HPR: variants seen among roughly 807,000 people sequenced by gnomAD.
HPR encodes the protein Haptoglobin-related locus.
A neutral mutation model predicts 18.5 loss-of-function variants in HPR; 17 were observed. The observed-to-expected ratio is 0.92, with a 90% CI of 0.63 to 1.38. The LOEUF (loss-of-function observed/expected upper bound fraction) is 1.38, where lower values mean the gene tolerates loss of function less well. Among genes scored for constraint, HPR ranks in the 40% most tolerant of loss-of-function variants. The pLI, the probability that HPR is intolerant of heterozygous loss-of-function variation, is 0.00. For synonymous variants in HPR, 176 were observed against 165.0 expected (o/e 1.07, Z -0.51); for missense variants, 457 against 432.4 (o/e 1.06, Z -0.51).
chr16:72,067,969 G>A (rs1177400650), intron 1 of HPR, among the ~76,000 whole-genome samples: 1 of 152,140 alleles, frequency 6.6e-6, no homozygotes. Context: ...GAAGAGAGCC[G>A]AGACACATTT....
chr16:72,069,213 A>T (rs2041629890), intron 1 of HPR, among the ~76,000 whole-genome samples: 1 of 152,138 alleles, frequency 6.6e-6, no homozygotes, highest in Non-Finnish European at 1.5e-5. Context: ...ATTTGGAAAA[A>T]GTTGGACTGA....
At chr16:72,069,971 C>A (rs2041637829) in intron 1 of HPR, among the ~76,000 whole-genome samples, 1 of 152,158 alleles carries the variant, frequency 6.6e-6, no homozygotes, top group South Asian at 2.1e-4. Context: ...CTGATTCAGA[C>A]AATGGAACCC....
At chr16:72,069,742 C>G (rs1030013129) in intron 1 of HPR, among the ~76,000 whole-genome samples, 3 of 152,144 alleles carry the variant, frequency 2.0e-5, no homozygotes, top group Non-Finnish European at 2.9e-5. Context: ...TCTAAGAAAA[C>G]CGCCCCTTGG....
At chr16:72,071,094 C>CTGG (rs1449550471) in intron 1 of HPR, among the ~76,000 whole-genome samples, 1 of 152,110 alleles carries the variant, frequency 6.6e-6, no homozygotes, top group Non-Finnish European at 1.5e-5. Flanking sequence ...TCTTCAACCA[C>CTGG]TGGTTAACAA....
chr16:72,074,864 A>G, intron 3 of HPR: 1 of 654,624 alleles, frequency 1.5e-6, no homozygotes, highest in Non-Finnish European at 2.8e-6. Flanking sequence ...GTGGCCTGTA[A>G]GAGGCAGAGT....
At chr16:72,075,111 T>C (rs1177396158) in intron 3 of HPR, 34 bp from the exon 4 acceptor site, 1 of 786,302 alleles carries the variant, frequency 1.3e-6, no homozygotes, top group Non-Finnish European at 2.2e-6. Flanking sequence ...AGACTTGACT[T>C]TTCCTTTGGC....
intron 1 of HPR, among the ~76,000 whole-genome samples, chr16:72,071,559 A>G (rs1315827815): frequency 2.6e-5 from 4 of 152,096 alleles, no homozygotes; most frequent in African/African-American, 9.7e-5. Flanking sequence ...CCCAATGCCA[A>G]TTTTACTTTG....
At chr16:72,073,837 T>C in intron 1 of HPR, 55 bp from the exon 2 acceptor site, 3 of 1,612,334 alleles carry the variant, frequency 1.9e-6, no homozygotes, top group Middle Eastern at 1.7e-4. Flanking sequence ...GATGCATGCA[T>C]GTGCTGTGAA....
chr16:72,070,972 T>C (rs2041648925), intron 1 of HPR, among the ~76,000 whole-genome samples: 1 of 152,232 alleles, frequency 6.6e-6, no homozygotes, highest in Non-Finnish European at 1.5e-5. Context: ...GCCACTGCAG[T>C]GTAACCCCTC....
intron 1 of HPR, among the ~76,000 whole-genome samples, chr16:72,065,321 C>T (rs551866392): frequency 2.6e-4 from 39 of 152,046 alleles, no homozygotes; most frequent in African/African-American, 7.2e-4. Context: ...AGGGATTGAG[C>T]CACAGAAAGC....
Position 72,076,757 on chromosome 16 carries a change from C to T in HPR, c.723C>T (p.Val241=), listed in dbSNP as rs781104362. ...NFKLTDHLKY[V]MLPVADQYDC... is the part of the protein sequence containing the mutation. ...AACTTACTGACCATCTGAAGTATGT[C>T]ATGCTGCCTGTGGCTGACCAATACG... The change falls in exon 5 of 5, where the codon GTC becomes GTT. Residue 241 remains valine, a synonymous_variant. Transcript: ENST00000540303. The T allele has an allele frequency of 6.2e-7, 1 of 1,614,222 alleles. No homozygotes were observed. The highest frequency in any genetic ancestry group is 8.5e-7 in the Non-Finnish European group (1 of 1,180,044).
chr16:72,063,331 C>G (rs12917768), intron 1 of HPR, 71 bp downstream of exon 1: 111,194 of 1,108,646 alleles, frequency 0.1, 30,948 homozygotes, highest in South Asian at 0.21. Context: ...TACATTGGTA[C>G]AGATGCAGAA....
Position 72,075,006 on chromosome 16 carries a change from G to A in HPR, c.194-139G>A, listed in dbSNP as rs373645002. On this transcript the variant is annotated intron_variant, in intron 3 of 4. Transcript: ENST00000540303. ...AGCACTCTTTCCCTTCCTCCTTCTC[G>A]TATTCTCTCTCCTTTCTCCCTTCCT... 685 of 1,333,840 alleles carry A rather than the reference G, an allele frequency of 5.1e-4. 5 individuals carry two copies. The highest frequency in any genetic ancestry group is 2.2e-3 in the East Asian group (87 of 39,812). 82.6% of individuals were successfully genotyped at this position (1,333,840 alleles called of 1,614,324 possible).
chr16:72,074,036 C>G, intron 2 of HPR, 59 bp downstream of exon 2: 1 of 1,603,362 alleles, frequency 6.2e-7, no homozygotes, highest in Non-Finnish European at 8.5e-7. Flanking sequence ...CCCACTCTGA[C>G]TCTCTCGGGT....
intron 1 of HPR, among the ~76,000 whole-genome samples, chr16:72,071,825 A>G (rs896632832): frequency 1.3e-5 from 2 of 152,194 alleles, no homozygotes; most frequent in African/African-American, 4.8e-5. Flanking sequence ...ACTGTAAAAC[A>G]AGAGAGGCCC....
At chr16:72,070,524 C>T (rs1450155351) in intron 1 of HPR, among the ~76,000 whole-genome samples, 1 of 152,138 alleles carries the variant, frequency 6.6e-6, no homozygotes, top group East Asian at 1.9e-4. Context: ...TGATCACACC[C>T]GCGTCAAAAA....
At chr16:72,064,421 C>A (rs2041575862) in intron 1 of HPR, among the ~76,000 whole-genome samples, 1 of 152,142 alleles carries the variant, frequency 6.6e-6, no homozygotes. Context: ...CCATACAGCC[C>A]ACATTCCACA....
intron 4 of HPR, 148 bp from the exon 5 acceptor site, chr16:72,076,155 T>C: frequency 6.8e-7 from 1 of 1,460,896 alleles, no homozygotes; most frequent in East Asian, 2.5e-5. Flanking sequence ...CTGCAACTAT[T>C]GGAAATGAGA....
intron 1 of HPR, among the ~76,000 whole-genome samples, chr16:72,073,287 T>C (rs1174859565): frequency 1.3e-5 from 2 of 152,216 alleles, no homozygotes; most frequent in Admixed American, 6.5e-5. Flanking sequence ...AGCAACCTTA[T>C]GCAAAAGTAA....
Sources: allele counts gnomAD v4.1 joint callset (sites outside exome capture counted in the v4.1 genomes callset), GRCh38; gene constraint gnomAD v4.1.1; transcripts MANE v1.5; gene names NCBI Gene and HGNC (gene_info 2026-07-23, HGNC 2026-07-21).